Variants in PCDH15 observed in about 807,000 individuals in gnomAD.
The protein encoded by PCDH15 is protocadherin-15.
PCDH15 carries 129 observed loss-of-function variants against 178.5 expected under a neutral mutation model. The ratio of observed to expected loss-of-function variants is 0.72; its 90% CI spans 0.63 to 0.84. PCDH15 has a LOEUF of 0.84. Ranked by LOEUF, PCDH15 falls within the 40% of genes least tolerant of loss-of-function variation. The pLI, the probability that PCDH15 is intolerant of heterozygous loss-of-function variation, is 0.00. For missense variants in PCDH15, 2,230 were observed against 2,099.9 expected, an observed-to-expected ratio of 1.06 and a Z score of -1.21; for synonymous variants, 800 against 732.0, an observed-to-expected ratio of 1.09 and a Z score of -1.50.
chr10:54,766,556 G>A (rs1304276190), intron 1 of PCDH15, among the ~76,000 whole-genome samples: 1 of 150,212 alleles, frequency 6.7e-6, no homozygotes, highest in Non-Finnish European at 1.5e-5. Flanking sequence ...AAAAAAAAAA[G>A]GAGTTCCTTT....
chr10:53,999,234 T>G (rs2092004458), intron 20 of PCDH15, among the ~76,000 whole-genome samples: 2 of 152,160 alleles, frequency 1.3e-5, no homozygotes, highest in South Asian at 4.1e-4. Flanking sequence ...GGCTGCTCTA[T>G]AATGCCTTGA....
At chr10:55,071,870 G>C (rs1841755982) in intron 2 of PCDH15, among the ~76,000 whole-genome samples, 1 of 152,002 alleles carries the variant, frequency 6.6e-6, no homozygotes, top group South Asian at 2.1e-4. Context: ...CAGCCAATGT[G>C]AAAGAACAGA....
At chr10:55,394,445 A>G (rs1342841877) in intron 2 of PCDH15, among the ~76,000 whole-genome samples, 1 of 152,048 alleles carries the variant, frequency 6.6e-6, no homozygotes, top group Non-Finnish European at 1.5e-5. Context: ...ATAAGAACAA[A>G]ACAAAAGCAA....
intron 13 of PCDH15, among the ~76,000 whole-genome samples, chr10:54,181,945 CTTGT>C (rs960250029): frequency 4.0e-5 from 6 of 151,656 alleles, no homozygotes; most frequent in Admixed American, 2.0e-4. Context: ...TCACATTTTG[CTTGT>C]TTGTTTGTTT....
intron 3 of PCDH15, among the ~76,000 whole-genome samples, chr10:54,417,213 G>A (rs906172733): frequency 6.6e-6 from 1 of 151,984 alleles, no homozygotes; most frequent in Non-Finnish European, 1.5e-5. Flanking sequence ...AGTGTTATTC[G>A]CCAATGCTGC....
chr10:54,968,197 C>T (rs1035806649), intron 2 of PCDH15, among the ~76,000 whole-genome samples: 1 of 152,088 alleles, frequency 6.6e-6, no homozygotes, highest in African/African-American at 2.4e-5. Context: ...TGTATTCCAA[C>T]GTGGCATATT....
intron 5 of PCDH15, among the ~76,000 whole-genome samples, chr10:54,360,034 T>C (rs1000195325): frequency 6.6e-6 from 1 of 152,144 alleles, no homozygotes; most frequent in Non-Finnish European, 1.5e-5. Context: ...CTGATGTTTA[T>C]GTTTTCGTCT....
At chr10:54,498,978 T>A (rs567898269) in intron 3 of PCDH15, among the ~76,000 whole-genome samples, 2 of 152,182 alleles carry the variant, frequency 1.3e-5, no homozygotes, top group South Asian at 2.1e-4. Flanking sequence ...CCAGATCTCA[T>A]GAGAACTTAC....
intron 8 of PCDH15, among the ~76,000 whole-genome samples, chr10:54,255,398 T>C (rs2056820015): frequency 1.3e-5 from 2 of 152,196 alleles, no homozygotes; most frequent in South Asian, 2.1e-4. Flanking sequence ...AGAACTTTCT[T>C]AGTTGTTCTT....
chr10:53,984,548 T>C (rs760857454), intron 21 of PCDH15, among the ~76,000 whole-genome samples: 31 of 152,190 alleles, frequency 2.0e-4, no homozygotes, highest in Non-Finnish European at 1.5e-4. Flanking sequence ...GCATCTCTTA[T>C]ATAATAGAAT....
chr10:54,904,814 G>T (rs1008865041), intron 2 of PCDH15, among the ~76,000 whole-genome samples: 13 of 151,494 alleles, frequency 8.6e-5, no homozygotes, highest in African/African-American at 2.9e-4. Flanking sequence ...GCCATTTGAG[G>T]TACCACAGCT....
rs147712524 is a variant in PCDH15 at position 54,414,611 on chromosome 10, G to A, written c.158-35669C>T. On this transcript the variant is annotated intron_variant, in intron 3 of 37. Coordinates refer to ENST00000644397, the MANE Select transcript of PCDH15 (RefSeq NM_001384140.1). ...CACAGTTGTCAACTTTTTACTATAC[G>A]TCAGGCTATATGAAAATATTAACTG... Among the ~76,000 whole-genome samples, 7 of 152,070 alleles carry A rather than the reference G, an allele frequency of 4.6e-5. No homozygotes were observed. The South Asian group carries it at 1.2e-3, about 27-fold the overall frequency.
At chr10:55,132,090 A>G (rs1288258942) in intron 2 of PCDH15, among the ~76,000 whole-genome samples, 3 of 152,158 alleles carry the variant, frequency 2.0e-5, no homozygotes, top group African/African-American at 7.2e-5. Flanking sequence ...GGAAGGGGGA[A>G]TGAGTTCAGC....
At chr10:55,043,085 C>T (rs1232145168) in intron 2 of PCDH15, among the ~76,000 whole-genome samples, 2 of 151,946 alleles carry the variant, frequency 1.3e-5, no homozygotes, top group Admixed American at 6.6e-5. Context: ...ATATGTGTTG[C>T]TCCTAAGGAA....
At position 55,512,339 on chromosome 10, in the gene PCDH15, GAATT is replaced by G. The variant is rs959325641; in HGVS notation, c.-156+115282_-156+115285del. Among the ~76,000 whole-genome samples the G allele has an allele frequency of 1.3e-4, 20 of 152,132 alleles. 1 individual carries two copies. Among genetic ancestry groups the G allele is most frequent in the African/African-American group, 4.6e-4 (19 of 41,536 alleles). ...ATTAGTATTTTCCAAACTAATTTAA[GAATT>G]ATTTTGTTATTCTAGGGTGTCTTGT... On this transcript the variant is annotated intron_variant, in intron 2 of 5. Transcript: ENST00000613346.
At chr10:55,614,820 T>C (rs1206805681) in intron 2 of PCDH15, among the ~76,000 whole-genome samples, 1 of 152,162 alleles carries the variant, frequency 6.6e-6, no homozygotes, top group East Asian at 1.9e-4. Context: ...GTCATTCATA[T>C]ACAGTCATAA....
intron 2 of PCDH15, among the ~76,000 whole-genome samples, chr10:54,562,717 T>C (rs17658102): frequency 0.12 from 18,813 of 152,140 alleles, 1,199 homozygotes; most frequent in Non-Finnish European, 0.13. Context: ...TCTCTCTTGA[T>C]ATACAGACAG....
intron 2 of PCDH15, among the ~76,000 whole-genome samples, chr10:55,340,878 T>A (rs1353441131): frequency 1.3e-5 from 2 of 152,050 alleles, no homozygotes; most frequent in Non-Finnish European, 2.9e-5. Flanking sequence ...TTTGATAAGC[T>A]CAGTGACTTA....
intron 2 of PCDH15, among the ~76,000 whole-genome samples, chr10:55,162,576 G>A (rs1312333339): frequency 1.3e-5 from 2 of 152,096 alleles, no homozygotes; most frequent in Non-Finnish European, 2.9e-5. Context: ...AGCTAACTTT[G>A]GGAGACATTT....
Sources: allele counts gnomAD v4.1 joint callset (sites outside exome capture counted in the v4.1 genomes callset), GRCh38; gene constraint gnomAD v4.1.1; transcripts MANE v1.5; gene names NCBI Gene and HGNC (gene_info 2026-07-23, HGNC 2026-07-21).